The following PTPRN2 variants were observed in gnomAD, a reference collection of about 807,000 sequenced individuals.
PTPRN2 encodes receptor-type tyrosine-protein phosphatase N2.
In PTPRN2, 74 loss-of-function variants were observed where a neutral mutation model predicts 118.8. The observed-to-expected ratio is 0.62, with a 90% CI of 0.52 to 0.76. The LOEUF (loss-of-function observed/expected upper bound fraction) is 0.76, where lower values mean the gene tolerates loss of function less well. Among genes scored for constraint, PTPRN2 ranks in the 30% least tolerant of loss-of-function variants. The pLI is 0.00. For missense variants in PTPRN2, 1,481 were observed against 1,394.4 expected, an observed-to-expected ratio of 1.06 and a Z score of -0.99; for synonymous variants, 641 against 608.0, an observed-to-expected ratio of 1.05 and a Z score of -0.80.
chr7:158,080,314 C>CAAAAAAAAAA (rs556546951), intron 11 of PTPRN2, among the ~76,000 whole-genome samples: 2 of 72,226 alleles, frequency 2.8e-5, no homozygotes, highest in Non-Finnish European at 4.9e-5. Flanking sequence ...CAAATTTAAG[C>CAAAAAAAAAA]AAAAAAAAAA....
At chr7:157,663,944 C>T (rs961672634) in intron 13 of PTPRN2, among the ~76,000 whole-genome samples, 3 of 152,206 alleles carry the variant, frequency 2.0e-5, no homozygotes, top group African/African-American at 7.2e-5. Context: ...TTAGCCAGTG[C>T]CAACGAGACA....
chr7:158,003,178 G>A lies in PTPRN2; in HGVS notation c.1723+78120C>T, dbSNP rs937167554. On this transcript the variant is annotated intron_variant, in intron 11 of 22. Transcript: ENST00000389418. This position sits in a 1 kb window ranked among gnomAD's most constrained non-coding sequence, Gnocchi z 5.0. ...GCCTGTAATCCCAGCACTTTGGGAG[G>A]CCGAGACGGGCGGATCACGAGGTCA... Among the ~76,000 whole-genome samples, 7 of 152,126 alleles carry A rather than the reference G, an allele frequency of 4.6e-5. No individual in the cohort carries two copies. Among genetic ancestry groups the A allele is most frequent in the African/African-American group, 1.7e-4 (7 of 41,430 alleles).
At position 158,138,246 on chromosome 7, in the gene PTPRN2, C is replaced by T. The variant is rs775471973; in HGVS notation, c.1132+48G>A. The T allele has an allele frequency of 4.0e-5, 63 of 1,571,514 alleles. No homozygotes were observed. In the East Asian group the frequency reaches 1.4e-3, roughly 34 times the overall value. ...GTCTCTGCACAGCCCTGAGGCCTCC[C>T]CTCCCCGCAGCACCCCTGGGTGTGG... On this transcript the variant is annotated intron_variant, in intron 7 of 22. Transcript: ENST00000389418.
At chr7:157,887,409 A>AGTACCCAACCCCC (rs1796516526) in intron 12 of PTPRN2, among the ~76,000 whole-genome samples, 1 of 95,180 alleles carries the variant, frequency 1.1e-5, no homozygotes, top group Non-Finnish European at 2.1e-5. Flanking sequence ...CACTCCCCCC[A>AGTACCCAACCCCC]GTACCCACTT....
intron 11 of PTPRN2, among the ~76,000 whole-genome samples, chr7:158,038,386 C>A (rs887312501): frequency 1.3e-5 from 2 of 151,998 alleles, no homozygotes; most frequent in Non-Finnish European, 2.9e-5. Flanking sequence ...TGTCTCACAA[C>A]AACAAAAATT....
At chr7:158,192,669 T>C (rs1406085820) in intron 4 of PTPRN2, among the ~76,000 whole-genome samples, 174 bp from the exon 5 acceptor site, 1 of 152,076 alleles carries the variant, frequency 6.6e-6, no homozygotes, top group Non-Finnish European at 1.5e-5. Flanking sequence ...CCCCCGAGCC[T>C]GTGTCCTGCA....
At chr7:158,581,419 C>G (rs747549962) in intron 1 of PTPRN2, among the ~76,000 whole-genome samples, 15 of 152,102 alleles carry the variant, frequency 9.9e-5, no homozygotes, top group Non-Finnish European at 1.5e-4. Flanking sequence ...AGGGAGCACA[C>G]TGGGAAGTTT....
At chr7:158,247,757 C>T (rs1024543413) in intron 3 of PTPRN2, among the ~76,000 whole-genome samples, 5 of 152,126 alleles carry the variant, frequency 3.3e-5, no homozygotes, top group Admixed American at 6.5e-5. Flanking sequence ...GGTGGGATTA[C>T]AGGCATGCAC....
chr7:158,342,453 C>A (rs1586395262), intron 2 of PTPRN2, among the ~76,000 whole-genome samples: 1 of 94,882 alleles, frequency 1.1e-5, no homozygotes, highest in African/African-American at 4.4e-5. Context: ...TCACTCACAC[C>A]CACACTCTCA....
chr7:157,540,754 G>C lies in PTPRN2; in HGVS notation c.3008C>G (p.Ala1003Gly). The change falls in exon 23 of 23, where the codon GCT becomes GGT. Residue 1003 changes from alanine to glycine, a missense_variant. Ala to Gly is a moderately conservative substitution (Grantham distance 60). This residue lies in a region of PTPRN2 where 362 missense variants were observed against 384.1 expected (regional missense o/e 0.94). Transcript: ENST00000389418. ...CTTGAGGATGGCGTTCACCTCCTCAGCCACGGCTGTCAGCGCGAACTCAAA... is the reference window on the plus strand; with the variant it reads ...CTTGAGGATGGCGTTCACCTCCTCACCCACGGCTGTCAGCGCGAACTCAAA... The part of the protein sequence containing the change: ...EQFEFALTAV[A>G]EEVNAILKAL... 1 of 1,569,980 alleles carries C rather than the reference G, an allele frequency of 6.4e-7. No homozygotes were observed. The highest frequency in any genetic ancestry group is 8.6e-7 in the Non-Finnish European group (1 of 1,157,278).
intron 11 of PTPRN2, among the ~76,000 whole-genome samples, chr7:157,911,111 C>T (rs1308467066): frequency 6.6e-6 from 1 of 152,194 alleles, no homozygotes; most frequent in East Asian, 1.9e-4. Context: ...GCACAGCAAG[C>T]CAAGAAGAGG....
At chr7:158,576,853 C>G (rs547721475) in intron 1 of PTPRN2, among the ~76,000 whole-genome samples, 2 of 135,816 alleles carry the variant, frequency 1.5e-5, no homozygotes, top group African/African-American at 2.8e-5. Context: ...TGAGGGCTGC[C>G]CACCCTGCCT....
intron 11 of PTPRN2, among the ~76,000 whole-genome samples, chr7:157,899,295 G>A (rs114715653): frequency 0.012 from 1,785 of 152,272 alleles, 42 homozygotes; most frequent in African/African-American, 0.041. Flanking sequence ...TGTAGAATGA[G>A]GAAGACTTTC....
intron 12 of PTPRN2, among the ~76,000 whole-genome samples, chr7:157,853,505 TGAAGA>T (rs1809447667): frequency 6.7e-6 from 1 of 149,070 alleles, no homozygotes; most frequent in Non-Finnish European, 1.5e-5. Flanking sequence ...GTGTACAGGC[TGAAGA>T]GAAAAGTCCC....
chr7:158,139,150 G>A (rs1379137521), intron 6 of PTPRN2, among the ~76,000 whole-genome samples: 4 of 152,168 alleles, frequency 2.6e-5, no homozygotes, highest in East Asian at 1.9e-4. Context: ...TGCAGGAGGA[G>A]GCAGAAAAAC....
At chr7:158,085,717 C>A (rs1207700772) in intron 10 of PTPRN2, among the ~76,000 whole-genome samples, 1 of 134,880 alleles carries the variant, frequency 7.4e-6, no homozygotes, top group South Asian at 2.5e-4. Flanking sequence ...TCCACACCCA[C>A]GACGCCCATC....
At chr7:158,343,819 C>T (rs1184515365) in intron 2 of PTPRN2, among the ~76,000 whole-genome samples, 1 of 149,370 alleles carries the variant, frequency 6.7e-6, no homozygotes, top group Non-Finnish European at 1.5e-5. Flanking sequence ...CAGCCATGCT[C>T]GTGGCACGTG....
rs1391669747 is a variant in PTPRN2, at chr7:158,015,079, C to T, written c.1723+66219G>A. 6.6e-6 allele frequency among the ~76,000 whole-genome samples: 1 copy of T among 152,164 alleles called. No homozygotes were observed. Among genetic ancestry groups the T allele is most frequent in the Non-Finnish European group, 1.5e-5 (1 of 68,040 alleles). On this transcript the variant is annotated intron_variant, in intron 11 of 22. Transcript: ENST00000389418. The surrounding 1 kb of genome is among the most constrained non-coding windows in gnomAD (Gnocchi z 4.2). Reference sequence around the variant, plus strand: ...CTTCCCTTGTATCTTGCAAATCCCTCAGATAAAAGTGGGTTGCTGAAATGA... The same window carrying T: ...CTTCCCTTGTATCTTGCAAATCCCTTAGATAAAAGTGGGTTGCTGAAATGA...
At position 157,618,418 on chromosome 7, in the gene PTPRN2, T is replaced by C. The variant is rs1394920567; in HGVS notation, c.2344+2944A>G. 1.3e-5 allele frequency: 2 copies of C among 152,234 alleles called. No homozygotes were observed. Among genetic ancestry groups the C allele is most frequent in the Non-Finnish European group, 2.9e-5 (2 of 68,104 alleles). The allele number at this position is 152,234 out of a possible 1,614,324, so 9.4% of individuals were successfully genotyped here. A position where few individuals can be genotyped will look rare whatever the true frequency, so the allele number is the denominator to read the frequency against. On this transcript the variant is annotated intron_variant, in intron 15 of 22. Transcript: ENST00000389418. The surrounding 1 kb of genome is among the most constrained non-coding windows in gnomAD (Gnocchi z 4.2). ...TGCCCAGCATGCAGACTCGCTTCCA[T>C]CGCGACACAGAGGACAGCATGGAGC...
Sources: gnomAD v4.1 joint callset for allele counts (sites outside exome capture counted in the v4.1 genomes callset) on GRCh38, gnomAD v4.1.1 for gene constraint, gnomAD v4.1.1 regional missense constraint, Gnocchi (gnomAD v3.1) non-coding constraint, MANE v1.5 for transcripts, NCBI Gene and HGNC (gene_info 2026-07-23, HGNC 2026-07-21) for gene names.